SHOC1: variants seen among roughly 807,000 people sequenced by gnomAD.
SHOC1 encodes the protein shortage in chiasmata 1, also known as protein shortage in chiasmata 1 ortholog.
A neutral mutation model predicts 179.2 loss-of-function variants in SHOC1; 136 were observed. That is an observed-to-expected ratio of 0.76 (90% CI 0.66 to 0.87). The LOEUF is 0.87. Among genes scored for constraint, SHOC1 ranks in the 40% least tolerant of loss-of-function variants. SHOC1 has a pLI of 0.00. For missense variants in SHOC1, 1,538 were observed against 1,700.8 expected (o/e 0.90, Z 1.68); for synonymous variants, 489 against 586.6 (o/e 0.83, Z 2.41).
intron 12 of SHOC1, 47 bp downstream of exon 12, chr9:111,738,233 C>G: frequency 1.3e-6 from 2 of 1,505,902 alleles, no homozygotes; most frequent in Non-Finnish European, 1.8e-6. Context: ...AACATTTTCA[C>G]ATTCTGAAAA....
chr9:111,725,236 T>G (rs1833245646), intron 13 of SHOC1, among the ~76,000 whole-genome samples: 1 of 152,258 alleles, frequency 6.6e-6, no homozygotes, highest in Non-Finnish European at 1.5e-5. Flanking sequence ...TTATTAAAAT[T>G]TTTGAGGGGG....
At chr9:111,729,660 C>T (rs1406054511) in intron 12 of SHOC1, among the ~76,000 whole-genome samples, 1 of 152,046 alleles carries the variant, frequency 6.6e-6, no homozygotes, top group Admixed American at 6.6e-5. Flanking sequence ...TTGGGAAGGC[C>T]GAGGCAGGCG....
chr9:111,768,868 TC>T (rs1477209135), intron 5 of SHOC1, among the ~76,000 whole-genome samples: 2 of 127,926 alleles, frequency 1.6e-5, no homozygotes, highest in African/African-American at 2.5e-5. Context: ...TTCAATTTTT[TC>T]CCATTCAGTA....
intron 7 of SHOC1, among the ~76,000 whole-genome samples, chr9:111,757,628 C>T (rs1834928645): frequency 6.6e-6 from 1 of 152,192 alleles, no homozygotes; most frequent in African/African-American, 2.4e-5. Flanking sequence ...TGGCAGAAAA[C>T]TAAAATTCAG....
intron 15 of SHOC1, among the ~76,000 whole-genome samples, chr9:111,719,168 CAT>C (rs962728080): frequency 6.6e-6 from 1 of 152,114 alleles, no homozygotes; most frequent in African/African-American, 2.4e-5. Context: ...GCAGAGAAAA[CAT>C]ATTTGGGGAA....
intron 5 of SHOC1, among the ~76,000 whole-genome samples, chr9:111,774,064 T>G (rs138241594): frequency 6.3e-4 from 96 of 152,292 alleles, no homozygotes; most frequent in African/African-American, 2.2e-3. Flanking sequence ...AATTCAAGCA[T>G]ATTTTCTCTC....
chr9:111,757,554 T>TA (rs1834924367), intron 7 of SHOC1, among the ~76,000 whole-genome samples: 1 of 152,222 alleles, frequency 6.6e-6, no homozygotes, highest in Non-Finnish European at 1.5e-5. Flanking sequence ...CTATTGAAAC[T>TA]AAATGCATCT....
At chr9:111,766,250 G>A (rs1344156882) in intron 5 of SHOC1, among the ~76,000 whole-genome samples, 1 of 152,152 alleles carries the variant, frequency 6.6e-6, no homozygotes, top group African/African-American at 2.4e-5. Context: ...TTTTGTGGCT[G>A]AATAATATTC....
chr9:111,713,295 C>A, intron 17 of SHOC1, 123 bp from the exon 18 acceptor site: 2 of 548,686 alleles, frequency 3.6e-6, no homozygotes, highest in South Asian at 2.5e-5. Context: ...GATTACAAAG[C>A]AAATATTTCT....
rs41306457 is a variant in SHOC1 at position 111,746,277 on chromosome 9, G to A, written c.1036C>T (p.Arg346Cys). 0.018 allele frequency: 28,620 copies of A among 1,611,004 alleles called. 346 individuals carry two copies. The highest frequency in any genetic ancestry group is 0.02 in the Non-Finnish European group (24,019 of 1,177,496). ...TCQHSSVNSL[R>C]TELQTFPLSP... ...AATGGAAATGTCTGAAGTTCTGTAC[G>A]TAATGAATTCACTGAAGAATGTTGG... Residue 346 changes from arginine to cysteine, a missense_variant, in exon 10 of 28, where the codon CGT (arginine) becomes TGT (cysteine). Physicochemically the swap from Arg to Cys is radical, Grantham distance 180. Coordinates refer to ENST00000682961, the MANE Select transcript of SHOC1 (RefSeq NM_001378211.1).
At chr9:111,751,186 T>C (rs146358608) in intron 8 of SHOC1, among the ~76,000 whole-genome samples, 434 of 152,354 alleles carry the variant, frequency 2.8e-3, no homozygotes, top group African/African-American at 0.01. Context: ...TTCTCTATTC[T>C]GTTCCATTGG....
intron 5 of SHOC1, among the ~76,000 whole-genome samples, chr9:111,761,105 A>G (rs1835115493): frequency 6.6e-6 from 1 of 152,194 alleles, no homozygotes; most frequent in South Asian, 2.1e-4. Context: ...ATCAGTGGGA[A>G]AGAAAGGACT....
intron 21 of SHOC1, among the ~76,000 whole-genome samples, chr9:111,704,423 C>T (rs900131813): frequency 1.3e-5 from 2 of 152,036 alleles, no homozygotes; most frequent in East Asian, 3.8e-4. Context: ...AGCTCTGTTG[C>T]CCAGCCTGGA....
intron 12 of SHOC1, among the ~76,000 whole-genome samples, chr9:111,728,814 G>T (rs1833427967): frequency 6.6e-6 from 1 of 152,096 alleles, no homozygotes; most frequent in African/African-American, 2.4e-5. Context: ...TCAATTGTAT[G>T]GTATGTGAAA....
chr9:111,714,851 C>T (rs1832717907), intron 16 of SHOC1, among the ~76,000 whole-genome samples: 1 of 152,142 alleles, frequency 6.6e-6, no homozygotes, highest in Non-Finnish European at 1.5e-5. Context: ...ATATATGCTA[C>T]ACACTCTCTA....
chr9:111,740,084 T>A (rs372861852), intron 11 of SHOC1, among the ~76,000 whole-genome samples: 163 of 152,196 alleles, frequency 1.1e-3, no homozygotes, highest in African/African-American at 3.8e-3. Flanking sequence ...TTAAGAGAAA[T>A]TTTTTTTCTT....
chr9:111,695,907 C>T (rs532374548), intron 24 of SHOC1, among the ~76,000 whole-genome samples: 5 of 151,998 alleles, frequency 3.3e-5, no homozygotes, highest in African/African-American at 4.8e-5. Context: ...ATAATAAAAA[C>T]GAGATATTTC....
chr9:111,745,073 G>A (rs776738277), intron 10 of SHOC1, among the ~76,000 whole-genome samples: 1 of 152,114 alleles, frequency 6.6e-6, no homozygotes, highest in Non-Finnish European at 1.5e-5. Context: ...CCATTACTGA[G>A]ACCACATTGA....
chr9:111,686,616 C>A lies in SHOC1; in HGVS notation c.*154G>T. ...ACTTACAAAGATGCAAACCATAGGG[C>A]AGAATACATATTATGAATATTTAAT... On this transcript the variant is annotated 3_prime_UTR_variant, in exon 28 of 28. Coordinates refer to ENST00000682961, the MANE Select transcript of SHOC1 (RefSeq NM_001378211.1). 1.8e-6 allele frequency: 1 copy of A among 548,582 alleles called. No individual in the cohort carries two copies. Among genetic ancestry groups the A allele is most frequent in the Non-Finnish European group, 3.3e-6 (1 of 305,868 alleles). The allele number at this position is 548,582 out of a possible 1,614,324, so 34.0% of individuals were successfully genotyped here. A position where few individuals can be genotyped will look rare whatever the true frequency, so the allele number is the denominator to read the frequency against.
Sources: gnomAD v4.1 joint callset for allele counts (sites outside exome capture counted in the v4.1 genomes callset) on GRCh38, gnomAD v4.1.1 for gene constraint, MANE v1.5 for transcripts, NCBI Gene and HGNC (gene_info 2026-07-23, HGNC 2026-07-21) for gene names.